The following HECW2 variants were observed in gnomAD, a reference collection of about 807,000 sequenced individuals.
HECW2 encodes the protein E3 ubiquitin-protein ligase HECW2.
HECW2 carries 61 observed loss-of-function variants against 175.2 expected under a neutral mutation model. The ratio of observed to expected loss-of-function variants is 0.35; its 90% CI spans 0.28 to 0.43. HECW2 has a LOEUF of 0.43. Ranked by LOEUF, HECW2 falls within the 20% of genes least tolerant of loss-of-function variation. HECW2 has a pLI of 1.00. For missense variants in HECW2, 1,524 were observed against 2,000.5 expected (o/e 0.76, Z 4.54); for synonymous variants, 671 against 731.0 (o/e 0.92, Z 1.32).
At chr2:196,401,776 T>C (rs1694823274) in intron 2 of HECW2, among the ~76,000 whole-genome samples, 1 of 152,206 alleles carries the variant, frequency 6.6e-6, no homozygotes, top group African/African-American at 2.4e-5. Context: ...AAATTTTTAC[T>C]AATGAGAATA....
At chr2:196,227,557 A>G (rs1044347036) in intron 22 of HECW2, among the ~76,000 whole-genome samples, 3 of 52,524 alleles carry the variant, frequency 5.7e-5, no homozygotes, top group African/African-American at 1.0e-4. Flanking sequence ...CTGCCCTTCT[A>G]CCATCAATGC....
At chr2:196,545,374 A>G (rs752372790) in intron 1 of HECW2, among the ~76,000 whole-genome samples, 5 of 152,184 alleles carry the variant, frequency 3.3e-5, no homozygotes, top group South Asian at 2.1e-4. Flanking sequence ...TCAAAGAGAG[A>G]GCATTGACTG....
In HECW2 at chr2:196,319,688, G is replaced by C. The variant is rs1405225220; in HGVS notation, c.1202C>G (p.Ser401Cys). Residue 401 changes from serine (S) to cysteine (C), a missense_variant, in exon 9 of 29, where the codon TCT becomes TGT. By Grantham distance (112) the Ser-to-Cys change is moderately radical (BLOSUM62 -1). Coordinates refer to ENST00000644978, the MANE Select transcript of HECW2 (RefSeq NM_001348768.2). ...TLEIDTEELT[S>C]TSSRTSPPRG... ...GGGAGGTGAGGTCCTTGAAGACGTA[G>C]AGGTTAATTCCTCTGTGTCTATTTC... is the stretch of plus-strand genomic sequence containing the variant. The C allele has an allele frequency of 6.2e-7, 1 of 1,614,230 alleles. No homozygotes were observed. The highest frequency in any genetic ancestry group is 2.2e-5 in the East Asian group (1 of 44,878).
At chr2:196,473,873 T>C (rs1433253717) in intron 1 of HECW2, among the ~76,000 whole-genome samples, 5 of 152,232 alleles carry the variant, frequency 3.3e-5, no homozygotes, top group African/African-American at 1.2e-4. Flanking sequence ...CAGCTATTGA[T>C]ATTCATTTTG....
In HECW2 at chr2:196,195,581, C is replaced by G. The variant is rs1686658064; in HGVS notation, c.*5696G>C. The G allele has an allele frequency of 6.6e-6, 1 of 152,184 alleles. No homozygotes were observed. Among genetic ancestry groups the G allele is most frequent in the Non-Finnish European group, 1.5e-5 (1 of 68,040 alleles). The allele number at this position is 152,184 out of a possible 1,614,324, so 9.4% of individuals were successfully genotyped here. ...CACTAATTTAGTCTCCATTTGCAAC[C>G]TCACTCTTAGGATTTCACTTTCCAG... On this transcript the variant is annotated 3_prime_UTR_variant, in exon 29 of 29. Transcript: ENST00000644978.
At chr2:196,531,061 A>C (rs1187285482) in intron 1 of HECW2, among the ~76,000 whole-genome samples, 9 of 152,174 alleles carry the variant, frequency 5.9e-5, no homozygotes. Flanking sequence ...CTTGATATGT[A>C]TTCTAATAGC....
At chr2:196,428,616 T>A (rs1695616884) in intron 2 of HECW2, among the ~76,000 whole-genome samples, 1 of 152,210 alleles carries the variant, frequency 6.6e-6, no homozygotes, top group Non-Finnish European at 1.5e-5. Context: ...ATTGGTCCTA[T>A]TAAAGCACTG....
Position 196,319,452 on chromosome 2 carries a change from A to G in HECW2, c.1438T>C (p.Ser480Pro). 1 of 1,614,006 alleles carries G rather than the reference A, an allele frequency of 6.2e-7. No homozygotes were observed. Among genetic ancestry groups the G allele is most frequent in the Non-Finnish European group, 8.5e-7 (1 of 1,179,970 alleles). The change falls in exon 9 of 29, where the codon TCT (serine) becomes CCT (proline). Residue 480 changes from serine (S) to proline (P), a missense_variant. This residue lies in a region of HECW2 where 604 missense variants were observed against 588.3 expected (regional missense o/e 1.03). Coordinates refer to ENST00000644978, the MANE Select transcript of HECW2 (RefSeq NM_001348768.2). ...AGGCCTCCCTCCTCCTCCAAGGAAG[A>G]TGGGTAACCCAGGTCTTGCTGGAAC... is the stretch of plus-strand genomic sequence containing the variant. ...HEFQQDLGYP[S>P]SLEEEGGLIM...
At chr2:196,502,594 G>A (rs1417263306) in intron 1 of HECW2, among the ~76,000 whole-genome samples, 1 of 152,176 alleles carries the variant, frequency 6.6e-6, no homozygotes, top group Non-Finnish European at 1.5e-5. Flanking sequence ...TCCAATGGTG[G>A]CAGTATTTCC....
chr2:196,395,630 G>A (rs1694638424), intron 2 of HECW2, among the ~76,000 whole-genome samples: 1 of 150,460 alleles, frequency 6.6e-6, no homozygotes, highest in Non-Finnish European at 1.5e-5. Context: ...CATCACTAAT[G>A]ATGCATATCA....
intron 13 of HECW2, among the ~76,000 whole-genome samples, chr2:196,297,499 T>C (rs1016331412): frequency 2.6e-5 from 4 of 152,240 alleles, no homozygotes; most frequent in African/African-American, 9.6e-5. Context: ...TCAACCACAA[T>C]GGAAATAATA....
chr2:196,320,309 T>C, intron 8 of HECW2, 30 bp downstream of exon 8: 2 of 1,300,112 alleles, frequency 1.5e-6, no homozygotes, highest in Non-Finnish European at 2.2e-6. Context: ...CCTATAGCAA[T>C]GTATTCATAC....
At chr2:196,524,717 C>G (rs1042147035) in intron 1 of HECW2, among the ~76,000 whole-genome samples, 3 of 121,310 alleles carry the variant, frequency 2.5e-5, no homozygotes, top group Admixed American at 7.5e-5. Flanking sequence ...TTTATTTCTG[C>G]CTTCATTTTG....
At chr2:196,348,693 C>T (rs1248892458) in intron 2 of HECW2, among the ~76,000 whole-genome samples, 3 of 152,084 alleles carry the variant, frequency 2.0e-5, no homozygotes, top group Non-Finnish European at 4.4e-5. Context: ...ATCAAAGAAA[C>T]AATTCTAAAT....
intron 5 of HECW2, among the ~76,000 whole-genome samples, chr2:196,326,645 T>C (rs57100923): frequency 0.042 from 6,425 of 152,130 alleles, 489 homozygotes; most frequent in African/African-American, 0.15. Flanking sequence ...GGTTTCACCA[T>C]GTTGGCCAGG....
intron 1 of HECW2, among the ~76,000 whole-genome samples, chr2:196,578,955 A>C (rs181568316): frequency 6.8e-4 from 104 of 152,290 alleles, no homozygotes; most frequent in East Asian, 5.8e-4. Context: ...AAATATATTT[A>C]TATTTATAAC....
intron 10 of HECW2, among the ~76,000 whole-genome samples, chr2:196,312,132 G>T (rs1348684002): frequency 6.6e-6 from 1 of 151,344 alleles, no homozygotes; most frequent in Non-Finnish European, 1.5e-5. Flanking sequence ...TCAGACCTCG[G>T]TCTCCACTGG....
At chr2:196,226,303 A>G (rs1563377) in intron 22 of HECW2, among the ~76,000 whole-genome samples, 33,630 of 151,918 alleles carry the variant, frequency 0.22, 4,387 homozygotes, top group East Asian at 0.42. Flanking sequence ...GCCTTCCACC[A>G]TGATTGAAAA....
intron 1 of HECW2, among the ~76,000 whole-genome samples, chr2:196,536,664 T>A (rs1032648312): frequency 2.0e-5 from 3 of 152,146 alleles, no homozygotes; most frequent in African/African-American, 7.2e-5. Flanking sequence ...AGATTATAGA[T>A]CTCAAAAAGT....
Sources: gnomAD v4.1 joint callset for allele counts (sites outside exome capture counted in the v4.1 genomes callset) on GRCh38, gnomAD v4.1.1 for gene constraint, gnomAD v4.1.1 regional missense constraint, MANE v1.5 for transcripts, NCBI Gene and HGNC (gene_info 2026-07-23, HGNC 2026-07-21) for gene names.